KCNK6: variants seen among roughly 807,000 people sequenced by gnomAD.
The protein encoded by KCNK6 is potassium two pore domain channel subfamily K member 6, also known as potassium channel subfamily K member 6.
KCNK6 carries 20 observed loss-of-function variants against 21.9 expected under a neutral mutation model. The ratio of observed to expected loss-of-function variants is 0.91; its 90% CI spans 0.64 to 1.32. The LOEUF (loss-of-function observed/expected upper bound fraction) is 1.32, where lower values mean the gene tolerates loss of function less well. Among genes scored for constraint, KCNK6 ranks in the 40% most tolerant of loss-of-function variants. The pLI, the probability that KCNK6 is intolerant of heterozygous loss-of-function variation, is 0.00. For missense variants in KCNK6, 415 were observed against 433.1 expected (o/e 0.96, Z 0.37); for synonymous variants, 210 against 218.0 (o/e 0.96, Z 0.32).
In KCNK6 at chr19:38,327,284, T is replaced by C. The variant is rs765240545; in HGVS notation, c.823T>C (p.Cys275Arg). Residue 275 changes from cysteine (C) to arginine (R), a missense_variant, in exon 3 of 3, where the codon TGC becomes CGC. By Grantham distance (180) the Cys-to-Arg change is radical. Coordinates refer to ENST00000263372, the MANE Select transcript of KCNK6 (RefSeq NM_004823.3). ...GGAGCTCATCCTGCTGCCCCCTCCG[T>C]GCCCTGCCAGTTTCAATGCGGATGA... is the stretch of plus-strand genomic sequence containing the variant. ...LTELILLPPP[C>R]PASFNADEDD... 3.7e-6 allele frequency: 6 copies of C among 1,613,718 alleles called. No individual in the cohort carries two copies. Among genetic ancestry groups the C allele is most frequent in the South Asian group, 3.3e-5 (3 of 91,082 alleles).
chr19:38,319,883 C>T lies in KCNK6; in HGVS notation c.-68C>T. 7.5e-7 allele frequency: 1 copy of T among 1,332,902 alleles called. No individual in the cohort carries two copies. The highest frequency in any genetic ancestry group is 9.6e-7 in the Non-Finnish European group (1 of 1,042,032). The allele number at this position is 1,332,902 out of a possible 1,614,324, so 82.6% of individuals were successfully genotyped here. A position where few individuals can be genotyped will look rare whatever the true frequency, so the allele number is the denominator to read the frequency against. Reference sequence around the variant, plus strand: ...CACTCCCGGAACTGGAACTAGGTGCCAGACGGTCCGGAGGCGGGGGCCACG... The same window carrying T: ...CACTCCCGGAACTGGAACTAGGTGCTAGACGGTCCGGAGGCGGGGGCCACG... On this transcript the variant is annotated 5_prime_UTR_variant, in exon 1 of 3. Transcript: ENST00000263372.
chr19:38,329,809 A>G lies in KCNK6; in HGVS notation c.*2406A>G. The G allele has an allele frequency of 6.6e-6, 1 of 152,160 alleles. No individual in the cohort carries two copies. Among genetic ancestry groups the G allele is most frequent in the Non-Finnish European group, 1.5e-5 (1 of 68,668 alleles). 9.4% of individuals were successfully genotyped at this position (152,160 alleles called of 1,614,324 possible). On this transcript the variant is annotated 3_prime_UTR_variant, in exon 3 of 3. Coordinates refer to ENST00000263372, the MANE Select transcript of KCNK6 (RefSeq NM_004823.3). The stretch of plus-strand genomic sequence containing the variant: ...GGCTGAGGCAGGAATGAAGAGGGAG[A>G]CGATGGGCCTGGGCTGAGCCATGGA...
In KCNK6 at chr19:38,320,238, T is replaced by C. The variant is rs756105592; in HGVS notation, c.288T>C (p.Ala96=). 10 of 1,605,942 alleles carry C rather than the reference T, an allele frequency of 6.2e-6. No homozygotes were observed. The highest frequency in any genetic ancestry group is 3.3e-5 in the Admixed American group (2 of 60,004). ...ASDPAWDFAS[A]LFFASTLITT... Reference sequence around the variant, plus strand: ...ACCCCGCCTGGGACTTCGCCTCTGCTCTCTTCTTCGCCAGCACGCTGATCA... The same window carrying C: ...ACCCCGCCTGGGACTTCGCCTCTGCCCTCTTCTTCGCCAGCACGCTGATCA... The change falls in exon 1 of 3, where the codon GCT becomes GCC. Residue 96 remains alanine, a synonymous_variant. Coordinates refer to ENST00000263372, the MANE Select transcript of KCNK6 (RefSeq NM_004823.3).
At chr19:38,326,015 G>T (rs1969703185) in intron 1 of KCNK6, among the ~76,000 whole-genome samples, 1 of 152,134 alleles carries the variant, frequency 6.6e-6, no homozygotes, top group African/African-American at 2.4e-5. Flanking sequence ...GGGTGGGGGA[G>T]AAGTAAGTGG....
At chr19:38,320,304 G>C (rs753717541) in intron 1 of KCNK6, 32 bp downstream of exon 1, 5 of 1,601,414 alleles carry the variant, frequency 3.1e-6, no homozygotes, top group Non-Finnish European at 4.2e-6. Flanking sequence ...AGGCGGCGAG[G>C]ACCCGGGATC....
Position 38,327,540 on chromosome 19 carries a change from T to A in KCNK6, c.*137T>A, listed in dbSNP as rs1969726563. The A allele has an allele frequency of 6.4e-6, 5 of 784,012 alleles. No individual in the cohort carries two copies. Among genetic ancestry groups the A allele is most frequent in the Non-Finnish European group, 1.0e-5 (5 of 496,314 alleles). The allele number at this position is 784,012 out of a possible 1,614,324, so 48.6% of individuals were successfully genotyped here. ...CTTGCCGTCCACCGTCTCTCCTTTGTTTCCCAGCATCTGGCTGGGATGTGA... is the reference window on the plus strand; with the variant it reads ...CTTGCCGTCCACCGTCTCTCCTTTGATTCCCAGCATCTGGCTGGGATGTGA... On this transcript the variant is annotated 3_prime_UTR_variant, in exon 3 of 3. Coordinates refer to ENST00000263372, the MANE Select transcript of KCNK6 (RefSeq NM_004823.3).
Position 38,326,760 on chromosome 19 carries a change from G to A in KCNK6, c.490G>A (p.Asp164Asn), listed in dbSNP as rs1430868418. 2.5e-6 allele frequency: 4 copies of A among 1,604,318 alleles called. No individual in the cohort carries two copies. Among genetic ancestry groups the A allele is most frequent in the Non-Finnish European group, 2.5e-6 (3 of 1,179,976 alleles). Residue 164 changes from aspartate to asparagine, a missense_variant, in exon 2 of 3, where the codon GAC becomes AAC. Coordinates refer to ENST00000263372, the MANE Select transcript of KCNK6 (RefSeq NM_004823.3). The part of the protein sequence containing the change: ...LSWLSMRWGW[D>N]PRRAACWHLV... ...TTGGCTGAGCATGCGTTGGGGCTGG[G>A]ACCCCCGGCGGGCGGCCTGCTGGCA...
In KCNK6 at chr19:38,326,924, C is replaced by T. The variant is rs575424746; in HGVS notation, c.654C>T (p.Gly218=). 1.9e-5 allele frequency: 31 copies of T among 1,610,238 alleles called. No individual in the cohort carries two copies. Among genetic ancestry groups the T allele is most frequent in the South Asian group, 9.9e-5 (9 of 91,088 alleles). ...TCTCTCTGTCCACCATCGGCCTGGG[C>T]GACTACGTGCCCGGGGAGGCCCCTG... ...CFISLSTIGL[G]DYVPGEAPGQ... Residue 218 remains glycine, a synonymous_variant, in exon 2 of 3, where the codon GGC becomes GGT. Coordinates refer to ENST00000263372, the MANE Select transcript of KCNK6 (RefSeq NM_004823.3).
At chr19:38,326,130 C>T (rs1010084269) in intron 1 of KCNK6, among the ~76,000 whole-genome samples, 7 of 152,090 alleles carry the variant, frequency 4.6e-5, no homozygotes, top group African/African-American at 1.4e-4. Context: ...TTGGCCTGAG[C>T]GTCGAAGGAC....
intron 1 of KCNK6, among the ~76,000 whole-genome samples, chr19:38,325,969 T>C (rs1969702706): frequency 6.6e-6 from 1 of 151,752 alleles, no homozygotes; most frequent in Non-Finnish European, 1.5e-5. Context: ...AGGAGGCTGC[T>C]GTGGTGGACA....
chr19:38,324,595 AC>A (rs1197617714), intron 1 of KCNK6, among the ~76,000 whole-genome samples: 16 of 151,812 alleles, frequency 1.1e-4, no homozygotes, highest in African/African-American at 3.9e-4. Context: ...CTCCTTAAGG[AC>A]CCTTCCTGGA....
At chr19:38,322,904 G>A (rs1207968656) in intron 1 of KCNK6, among the ~76,000 whole-genome samples, 1 of 152,158 alleles carries the variant, frequency 6.6e-6, no homozygotes, top group African/African-American at 2.4e-5. Flanking sequence ...CCTGAGGTTA[G>A]GAGTTCGAGA....
In KCNK6 at chr19:38,327,707, G is replaced by A. The variant is rs990480709; in HGVS notation, c.*304G>A. 5 of 435,444 alleles carry A rather than the reference G, an allele frequency of 1.1e-5. No homozygotes were observed. Among genetic ancestry groups the A allele is most frequent in the African/African-American group, 4.0e-5 (2 of 50,204 alleles). The allele number at this position is 435,444 out of a possible 1,614,324, so 27.0% of individuals were successfully genotyped here. A position where few individuals can be genotyped will look rare whatever the true frequency, so the allele number is the denominator to read the frequency against. On this transcript the variant is annotated 3_prime_UTR_variant, in exon 3 of 3. Coordinates refer to ENST00000263372, the MANE Select transcript of KCNK6 (RefSeq NM_004823.3). ...GCTGCCTCTGTCTTTCCCTCTTGCT[G>A]TCTCTGTTTCTCATTCTCTTTCATG...
At chr19:38,324,488 C>T (rs1330372531) in intron 1 of KCNK6, among the ~76,000 whole-genome samples, 4 of 152,150 alleles carry the variant, frequency 2.6e-5, no homozygotes, top group Non-Finnish European at 5.9e-5. Context: ...TTCCCAAGGT[C>T]GCCTAATGGT....
chr19:38,326,488 C>T, intron 1 of KCNK6, 105 bp from the exon 2 acceptor site: 1 of 1,316,038 alleles, frequency 7.6e-7, no homozygotes, highest in Non-Finnish European at 1.0e-6. Flanking sequence ...GAGTTCAAGA[C>T]TGCAGTAAGC....
intron 2 of KCNK6, 87 bp downstream of exon 2, chr19:38,327,075 T>G: frequency 6.4e-7 from 1 of 1,565,000 alleles, no homozygotes; most frequent in African/African-American, 1.3e-5. Flanking sequence ...ACTCTGGGAC[T>G]TCCAAAAGGG....
At chr19:38,326,009 G>T (rs1467076832) in intron 1 of KCNK6, among the ~76,000 whole-genome samples, 1 of 152,140 alleles carries the variant, frequency 6.6e-6, no homozygotes, top group African/African-American at 2.4e-5. Context: ...GGGACTGGGT[G>T]GGGGAGAAGT....
In KCNK6 at chr19:38,327,011, G is replaced by A. The variant is rs1326207588; in HGVS notation, c.718+23G>A. The A allele has an allele frequency of 9.5e-6, 15 of 1,583,618 alleles. No individual in the cohort carries two copies. In the South Asian group the frequency reaches 1.7e-4, roughly 18 times the overall value. On this transcript the variant is annotated intron_variant, in intron 2 of 2. Coordinates refer to ENST00000263372, the MANE Select transcript of KCNK6 (RefSeq NM_004823.3). Reference sequence around the variant, plus strand: ...CAGGTGAGCTGGGTGGCTAGGGCAGGGCTTTGAGGAGGACCTAGCCCTGTC... The same window carrying A: ...CAGGTGAGCTGGGTGGCTAGGGCAGAGCTTTGAGGAGGACCTAGCCCTGTC...
At chr19:38,320,822 T>G (rs76086051) in intron 1 of KCNK6, among the ~76,000 whole-genome samples, 21,807 of 152,040 alleles carry the variant, frequency 0.14, 1,883 homozygotes, top group South Asian at 0.22. Flanking sequence ...CCCTCCCAAA[T>G]TGCTGGCATT....
Sources: allele counts gnomAD v4.1 joint callset (sites outside exome capture counted in the v4.1 genomes callset), GRCh38; gene constraint gnomAD v4.1.1; transcripts MANE v1.5; gene names NCBI Gene and HGNC (gene_info 2026-07-23, HGNC 2026-07-21).